The following KCNQ3 variants were observed in gnomAD, a reference collection of about 807,000 sequenced individuals.
The protein encoded by KCNQ3 is potassium voltage-gated channel subfamily KQT member 3.
Under a neutral mutation model 92.5 loss-of-function variants are expected in KCNQ3, and 30 were observed. That is an observed-to-expected ratio of 0.32 (90% CI 0.24 to 0.44). KCNQ3 has a LOEUF of 0.44. Ranked by LOEUF, KCNQ3 falls within the 20% of genes least tolerant of loss-of-function variation. The probability of loss-of-function intolerance (pLI) is 1.00; values close to 1 mark genes in which losing one functional copy is unlikely to be tolerated. For missense variants in KCNQ3, 913 were observed against 1,140.3 expected, an observed-to-expected ratio of 0.80 and a Z score of 2.87; for synonymous variants, 450 against 468.8, an observed-to-expected ratio of 0.96 and a Z score of 0.52.
chr8:132,167,250 T>C (rs941586796), intron 8 of KCNQ3, among the ~76,000 whole-genome samples: 1 of 152,114 alleles, frequency 6.6e-6, no homozygotes, highest in Non-Finnish European at 1.5e-5. Context: ...AGAAAGTAGA[T>C]AGTGATTGCA....
At chr8:132,311,662 A>C (rs1167947833) in intron 1 of KCNQ3, among the ~76,000 whole-genome samples, 1 of 152,242 alleles carries the variant, frequency 6.6e-6, no homozygotes, top group Non-Finnish European at 1.5e-5. Context: ...TGCTTAGAGC[A>C]GTGTCTGGCA....
At chr8:132,437,212 G>A (rs1459195370) in intron 1 of KCNQ3, among the ~76,000 whole-genome samples, 4 of 151,614 alleles carry the variant, frequency 2.6e-5, no homozygotes, top group East Asian at 3.9e-4. Context: ...CCCAGGGGGC[G>A]GAGCCTGCAG....
chr8:132,256,769 T>A (rs967610364), intron 1 of KCNQ3, among the ~76,000 whole-genome samples: 2 of 151,940 alleles, frequency 1.3e-5, no homozygotes, highest in African/African-American at 4.8e-5. Context: ...TCTTCAAAAA[T>A]GAAAGAGAAA....
At chr8:132,284,087 G>A (rs995943342) in intron 1 of KCNQ3, among the ~76,000 whole-genome samples, 2 of 152,170 alleles carry the variant, frequency 1.3e-5, no homozygotes, top group African/African-American at 2.4e-5. Context: ...AAGGAAAGAA[G>A]CGAGATGCCA....
chr8:132,449,531 T>G (rs536837781), intron 1 of KCNQ3, among the ~76,000 whole-genome samples: 11 of 152,114 alleles, frequency 7.2e-5, no homozygotes, highest in Admixed American at 3.3e-4. Context: ...AGCCACTCCC[T>G]TTTCCCACCT....
At chr8:132,162,150 C>T (rs1826010327) in intron 9 of KCNQ3, among the ~76,000 whole-genome samples, 1 of 152,178 alleles carries the variant, frequency 6.6e-6, no homozygotes, top group Admixed American at 6.5e-5. Context: ...TCTAGGGAGG[C>T]ATCCCCAGGA....
chr8:132,369,592 C>T (rs905901379), intron 1 of KCNQ3, among the ~76,000 whole-genome samples: 13 of 151,960 alleles, frequency 8.6e-5, no homozygotes, highest in African/African-American at 2.9e-4. Flanking sequence ...CACACACACA[C>T]ACACACACAC....
intron 1 of KCNQ3, among the ~76,000 whole-genome samples, chr8:132,471,698 A>G (rs1287948176): frequency 6.6e-6 from 1 of 152,202 alleles, no homozygotes; most frequent in Non-Finnish European, 1.5e-5. Context: ...ACACCTTAGG[A>G]ACCTGGTCTA....
intron 1 of KCNQ3, among the ~76,000 whole-genome samples, chr8:132,233,423 C>T (rs937060113): frequency 6.6e-6 from 1 of 152,178 alleles, no homozygotes; most frequent in Admixed American, 6.5e-5. Context: ...CCCAAGTTGA[C>T]CTAATAGTTG....
intron 1 of KCNQ3, among the ~76,000 whole-genome samples, chr8:132,217,820 G>A (rs1420286229): frequency 2.6e-5 from 4 of 151,400 alleles, no homozygotes; most frequent in African/African-American, 9.7e-5. Flanking sequence ...CCAACTAATA[G>A]CTAACAAAGA....
intron 1 of KCNQ3, among the ~76,000 whole-genome samples, chr8:132,401,126 T>C (rs897836621): frequency 6.6e-6 from 1 of 152,190 alleles, no homozygotes; most frequent in Non-Finnish European, 1.5e-5. Context: ...TATGAACCCC[T>C]GCCTCAGAAA....
chr8:132,270,934 T>A (rs955381785), intron 1 of KCNQ3, among the ~76,000 whole-genome samples: 5 of 152,194 alleles, frequency 3.3e-5, no homozygotes, highest in Non-Finnish European at 7.3e-5. Flanking sequence ...GTCTGCACAT[T>A]AAAATTTGGG....
chr8:132,256,223 T>A (rs1815582083), intron 1 of KCNQ3, among the ~76,000 whole-genome samples: 1 of 151,944 alleles, frequency 6.6e-6, no homozygotes, highest in Non-Finnish European at 1.5e-5. Flanking sequence ...AATGAAAAAT[T>A]CATGAGAAGT....
chr8:132,155,018 A>G (rs1479514157), intron 9 of KCNQ3, among the ~76,000 whole-genome samples: 2 of 152,204 alleles, frequency 1.3e-5, no homozygotes, highest in East Asian at 3.8e-4. Context: ...TTGAGAGGAC[A>G]AAAGAAAGGT....
intron 1 of KCNQ3, among the ~76,000 whole-genome samples, chr8:132,297,246 T>G (rs951838858): frequency 2.0e-5 from 3 of 152,138 alleles, no homozygotes; most frequent in African/African-American, 7.2e-5. Context: ...TTGTTTGTTT[T>G]TTTCTTGTAA....
At chr8:132,471,427 G>A (rs934119487) in intron 1 of KCNQ3, among the ~76,000 whole-genome samples, 3 of 152,196 alleles carry the variant, frequency 2.0e-5, no homozygotes, top group African/African-American at 4.8e-5. Context: ...CAAGGGGAGT[G>A]TGCATGGATT....
chr8:132,250,407 C>T (rs1815366662), intron 1 of KCNQ3, among the ~76,000 whole-genome samples: 1 of 152,182 alleles, frequency 6.6e-6, no homozygotes, highest in Admixed American at 6.5e-5. Context: ...CATGGAATAT[C>T]TTCTATAAAT....
chr8:132,327,261 T>C (rs1382476007), intron 1 of KCNQ3, among the ~76,000 whole-genome samples: 1 of 152,052 alleles, frequency 6.6e-6, no homozygotes, highest in African/African-American at 2.4e-5. Flanking sequence ...CAGAAAGAGG[T>C]AATAGGTACT....
chr8:132,167,573 T>C lies in KCNQ3; in HGVS notation c.1235+2761A>G, dbSNP rs187196327. ...ACTTCTTTGCCATTAACATACAGAGTGGGTTGGAATTCAGGGACATTCTTT... is the reference window on the plus strand; with the variant it reads ...ACTTCTTTGCCATTAACATACAGAGCGGGTTGGAATTCAGGGACATTCTTT... On this transcript the variant is annotated intron_variant, in intron 8 of 14. Transcript: ENST00000388996. Among the ~76,000 whole-genome samples the C allele has an allele frequency of 7.2e-5, 11 of 152,134 alleles. No homozygotes were observed. In the East Asian group the frequency reaches 1.9e-3, roughly 27 times the overall value.
Sources: gnomAD v4.1 joint callset for allele counts (sites outside exome capture counted in the v4.1 genomes callset) on GRCh38, gnomAD v4.1.1 for gene constraint, MANE v1.5 for transcripts, NCBI Gene and HGNC (gene_info 2026-07-23, HGNC 2026-07-21) for gene names.